Variants in SULT1A1 observed in about 807,000 individuals in gnomAD.
SULT1A1 encodes sulfotransferase family 1A member 1.
A neutral mutation model predicts 36.8 loss-of-function variants in SULT1A1; 35 were observed. The ratio of observed to expected loss-of-function variants is 0.95; its 90% CI spans 0.73 to 1.26. SULT1A1 has a LOEUF of 1.26. SULT1A1 is among the 50% of genes most tolerant of loss of function. The pLI, the probability that SULT1A1 is intolerant of heterozygous loss-of-function variation, is 0.00. For synonymous variants in SULT1A1, 119 were observed against 146.0 expected (o/e 0.82, Z 1.33); for missense variants, 309 against 383.0 (o/e 0.81, Z 1.61).
chr16:28,618,659 A>T (rs2047593746), intron 2 of SULT1A1, among the ~76,000 whole-genome samples: 1 of 151,878 alleles, frequency 6.6e-6, no homozygotes, highest in African/African-American at 2.4e-5. Context: ...TTTGCACTGG[A>T]CTGGACTATA....
rs1274516433 is a variant in SULT1A1, at chr16:28,616,842, G to A, written c.138+3221C>T. Among the ~76,000 whole-genome samples, 4 of 152,056 alleles carry A rather than the reference G, an allele frequency of 2.6e-5. No individual in the cohort carries two copies. The East Asian group carries it at 7.7e-4, about 29-fold the overall frequency. On this transcript the variant is annotated intron_variant, in intron 2 of 5. Coordinates refer to the SULT1A1 transcript ENST00000350842. ...GCTCCGGGTGTTCAACAGTCTCCAG[G>A]ATCCAAACTCATTCCAAGTTGCTCA...
intron 4 of SULT1A1, 64 bp downstream of exon 4, chr16:28,608,227 T>A: frequency 6.3e-7 from 1 of 1,595,554 alleles, no homozygotes; most frequent in South Asian, 1.1e-5. Flanking sequence ...CCTCAGGTGA[T>A]CTGCCTGCCT....
At chr16:28,619,978 ATATTG>A (rs768862281) in intron 2 of SULT1A1, 37 of 1,176,970 alleles carry the variant, frequency 3.1e-5, no homozygotes, top group African/African-American at 4.7e-5. Context: ...ATATGTATAT[ATATTG>A]TATTGTATAT....
At chr16:28,610,264 G>GTTTT (rs538720119), upstream of SULT1A1, 13,733 of 347,002 alleles carry the variant, frequency 0.04, 310 homozygotes, top group Middle Eastern at 0.053. Flanking sequence ...TTTTTTTTCT[G>GTTTT]TTTTTTTTTT....
chr16:28,610,171 C>G, upstream of SULT1A1: 1 of 1,285,204 alleles, frequency 7.8e-7, no homozygotes. Flanking sequence ...AAAGTGATCT[C>G]CAAAGCCACG....
chr16:28,622,769 C>T (rs1243417104), intron 1 of SULT1A1, among the ~76,000 whole-genome samples: 2 of 152,154 alleles, frequency 1.3e-5, no homozygotes, highest in South Asian at 2.1e-4. Flanking sequence ...TCCCGTGGGC[C>T]TTTTTCAGGG....
upstream of SULT1A1, chr16:28,610,251 GTTTTTTTTTTCTGTTTT>G (rs2047396220): frequency 3.8e-5 from 22 of 585,376 alleles, no homozygotes; most frequent in Admixed American, 4.7e-4. Context: ...GTTTTTGTAG[GTTTTTTTTTTCTGTTTT>G]TTTTTTTTTT....
At chr16:28,623,222 C>G in exon 1 of SULT1A1, 1 of 1,545,432 alleles carries the variant, frequency 6.5e-7, no homozygotes, top group Non-Finnish European at 8.7e-7. Flanking sequence ...GGCCCGGGAG[C>G]GCGCGCTCCA....
At chr16:28,617,173 G>A (rs746113932) in intron 2 of SULT1A1, among the ~76,000 whole-genome samples, 3 of 151,806 alleles carry the variant, frequency 2.0e-5, no homozygotes, top group Non-Finnish European at 2.9e-5. Flanking sequence ...GAGCCACCAT[G>A]ACCAGCTCAT....
intron 4 of SULT1A1, 104 bp downstream of exon 4, chr16:28,608,187 A>T (rs1485408173): frequency 6.8e-7 from 1 of 1,478,796 alleles, no homozygotes; most frequent in African/African-American, 1.4e-5. Context: ...AGGTTCTTCT[A>T]TGTTGCTCAG....
chr16:28,608,749 G>C lies in SULT1A1; in HGVS notation c.107C>G (p.Ala36Gly). The C allele has an allele frequency of 6.2e-7, 1 of 1,612,914 alleles. No homozygotes were observed. Among genetic ancestry groups the C allele is most frequent in the Non-Finnish European group, 8.5e-7 (1 of 1,179,420 alleles). ...GCTGATGAGCAGGTCATCAGGCCGG[G>C]CCTGGAAGCTCTGCAGGGGCCCCAG... Reference protein sequence around the residue: ...EALGPLQSFQARPDDLLISTY... With the variant: ...EALGPLQSFQGRPDDLLISTY... Residue 36 changes from alanine to glycine, a missense_variant, in exon 2 of 8, where the codon GCC (alanine) becomes GGC (glycine). This residue lies in a region of SULT1A1 where 23 missense variants were observed against 45.7 expected (regional missense o/e 0.50). Coordinates refer to ENST00000314752, the MANE Select transcript of SULT1A1 (RefSeq NM_001055.4).
chr16:28,622,057 C>CG (rs1482735222), intron 1 of SULT1A1, among the ~76,000 whole-genome samples: 2 of 152,124 alleles, frequency 1.3e-5, no homozygotes, highest in African/African-American at 4.8e-5. Context: ...GTCTTCACCC[C>CG]GGGAGAAGCT....
intron 1 of SULT1A1, chr16:28,623,118 C>CCCCGCCCCCCA: frequency 6.5e-7 from 1 of 1,545,630 alleles, no homozygotes; most frequent in Non-Finnish European, 8.7e-7. Context: ...AGGTTCCCCC[C>CCCCGCCCCCCA]CCGGCCCCTC....
intron 1 of SULT1A1, chr16:28,609,377 T>C (rs1348729828): frequency 7.8e-7 from 1 of 1,289,928 alleles, no homozygotes; most frequent in East Asian, 5.5e-5. Context: ...CCACAGTCCA[T>C]CTGGGCTCCA....
At position 28,606,087 on chromosome 16, in the gene SULT1A1, C is replaced by A. The variant is rs767084928; in HGVS notation, c.744G>T (p.Met248Ile). ...TNYTTVPQEFMDHSISPFMRK... is the reference protein window; with the variant it reads ...TNYTTVPQEFIDHSISPFMRK... Reference sequence around the variant, plus strand: ...TCATGAAGGGGGAGATGCTGTGGTCCATGAACTCCTGGGGGACGGTGGTGT... The same window carrying A: ...TCATGAAGGGGGAGATGCTGTGGTCAATGAACTCCTGGGGGACGGTGGTGT... Residue 248 changes from methionine to isoleucine, a missense_variant, in exon 7 of 8, where the codon ATG becomes ATT. This residue lies in a region of SULT1A1 where 67 missense variants were observed against 122.0 expected (regional missense o/e 0.55). Transcript: ENST00000314752. 52 of 1,609,668 alleles carry A rather than the reference C, an allele frequency of 3.2e-5. No homozygotes were observed. The highest frequency in any genetic ancestry group is 2.5e-6 in the Non-Finnish European group (3 of 1,177,318).
At position 28,605,737 on chromosome 16, in the gene SULT1A1, G is replaced by A; in HGVS notation, c.*84C>T. Reference sequence around the variant, plus strand: ...ATTACAGACATGACCTACCGTCCCGGGCCCTCAATTCATATTTTATTCTTG... The same window carrying A: ...ATTACAGACATGACCTACCGTCCCGAGCCCTCAATTCATATTTTATTCTTG... On this transcript the variant is annotated 3_prime_UTR_variant, in exon 8 of 8. Transcript: ENST00000314752. 2 of 1,592,854 alleles carry A rather than the reference G, an allele frequency of 1.3e-6. No homozygotes were observed. Among genetic ancestry groups the A allele is most frequent in the South Asian group, 2.2e-5 (2 of 89,492 alleles).
intron 2 of SULT1A1, among the ~76,000 whole-genome samples, chr16:28,618,302 T>C (rs1209108916): frequency 1.4e-5 from 2 of 147,944 alleles, no homozygotes; most frequent in Admixed American, 6.9e-5. Context: ...CCTCCCAAAA[T>C]GCTGGGATTA....
In SULT1A1 at chr16:28,622,731, T is replaced by C. The variant is rs565210972; in HGVS notation, c.67+400A>G. 7.3e-3 allele frequency among the ~76,000 whole-genome samples: 1,115 copies of C among 152,234 alleles called. 15 individuals carry two copies. Among genetic ancestry groups the C allele is most frequent in the African/African-American group, 0.025 (1,053 of 41,542 alleles). ...TGGTTCACGGTCATTGCAGCTGCTA[T>C]GGCCTTGAACTGGGATCTCCTTTAT... On this transcript the variant is annotated intron_variant, in intron 1 of 5. Transcript: ENST00000350842.
chr16:28,618,237 T>G (rs1432225478), intron 2 of SULT1A1, among the ~76,000 whole-genome samples: 2 of 151,716 alleles, frequency 1.3e-5, no homozygotes, highest in East Asian at 3.9e-4. Flanking sequence ...GGGGTCTCAC[T>G]GTGTTGCGCA....
Sources: allele counts gnomAD v4.1 joint callset (sites outside exome capture counted in the v4.1 genomes callset), GRCh38; gene constraint gnomAD v4.1.1; regional missense constraint gnomAD v4.1.1; transcripts MANE v1.5; gene names NCBI Gene and HGNC (gene_info 2026-07-23, HGNC 2026-07-21).